Variants in PSMD14 observed in about 807,000 individuals in gnomAD.
The protein encoded by PSMD14 is ubiquitin C-terminal hydrolase PSMD14.
In PSMD14, 7 loss-of-function variants were observed where a neutral mutation model predicts 41.2. The ratio of observed to expected loss-of-function variants is 0.17; its 90% CI spans 0.10 to 0.32. The LOEUF (loss-of-function observed/expected upper bound fraction) is 0.32, where lower values mean the gene tolerates loss of function less well. Among genes scored for constraint, PSMD14 ranks in the 10% least tolerant of loss-of-function variants. The probability of loss-of-function intolerance (pLI) is 1.00; values close to 1 mark genes in which losing one functional copy is unlikely to be tolerated. For synonymous variants in PSMD14, 114 were observed against 122.3 expected (o/e 0.93, Z 0.45); for missense variants, 139 against 375.6 (o/e 0.37, Z 5.21).
At chr2:161,320,030 C>T (rs569513574) in intron 3 of PSMD14, among the ~76,000 whole-genome samples, 3 of 152,136 alleles carry the variant, frequency 2.0e-5, no homozygotes, top group Non-Finnish European at 2.9e-5. Flanking sequence ...GAGGCCTAAG[C>T]CTCTTTGAAC....
chr2:161,357,443 T>C (rs1236518110), intron 3 of PSMD14, among the ~76,000 whole-genome samples: 2 of 152,186 alleles, frequency 1.3e-5, no homozygotes, highest in Non-Finnish European at 2.9e-5. Context: ...TTTAAAGGTA[T>C]GGATTTTCCC....
At chr2:161,318,743 T>G in intron 2 of PSMD14, 79 bp from the exon 3 acceptor site, 1 of 1,098,576 alleles carries the variant, frequency 9.1e-7, no homozygotes, top group Non-Finnish European at 1.4e-6. Flanking sequence ...ACTGAGTGAC[T>G]GAAGGTGAAT....
intron 1 of PSMD14, among the ~76,000 whole-genome samples, chr2:161,309,274 G>C (rs1325071033): frequency 6.6e-6 from 1 of 152,162 alleles, no homozygotes; most frequent in African/African-American, 2.4e-5. Flanking sequence ...TGGGGATGTA[G>C]CTCTGTGTCT....
intron 10 of PSMD14, among the ~76,000 whole-genome samples, chr2:161,404,523 C>T (rs923772574): frequency 2.6e-5 from 4 of 152,152 alleles, no homozygotes; most frequent in Non-Finnish European, 5.9e-5. Flanking sequence ...CCCTTTGCCC[C>T]TCTCCCTTCC....
At chr2:161,342,272 T>C (rs1267183018) in intron 3 of PSMD14, among the ~76,000 whole-genome samples, 1 of 152,216 alleles carries the variant, frequency 6.6e-6, no homozygotes, top group Non-Finnish European at 1.5e-5. Flanking sequence ...TAGCTGTACA[T>C]TTGTTATAGA....
intron 3 of PSMD14, among the ~76,000 whole-genome samples, chr2:161,324,408 G>T (rs912048877): frequency 6.6e-6 from 1 of 152,082 alleles, no homozygotes; most frequent in African/African-American, 2.4e-5. Context: ...GACCAACTTG[G>T]GAAAAATGGG....
chr2:161,323,440 A>G (rs1310521930), intron 3 of PSMD14, among the ~76,000 whole-genome samples: 1 of 152,256 alleles, frequency 6.6e-6, no homozygotes, highest in Non-Finnish European at 1.5e-5. Context: ...GAGGGGGCAG[A>G]TGACATAAGG....
At chr2:161,320,513 C>T (rs1459725300) in intron 3 of PSMD14, among the ~76,000 whole-genome samples, 1 of 152,106 alleles carries the variant, frequency 6.6e-6, no homozygotes, top group African/African-American at 2.4e-5. Flanking sequence ...AGAATCATTT[C>T]ATCTCAATTA....
chr2:161,309,234 C>T (rs1689060025), intron 1 of PSMD14, among the ~76,000 whole-genome samples: 2 of 152,062 alleles, frequency 1.3e-5, no homozygotes, highest in South Asian at 4.1e-4. Context: ...AATCTGCTAC[C>T]GTATGTTACA....
chr2:161,356,997 G>C (rs1049923995), intron 3 of PSMD14, among the ~76,000 whole-genome samples: 1 of 149,858 alleles, frequency 6.7e-6, no homozygotes, highest in African/African-American at 2.5e-5. Flanking sequence ...ATAACTAATA[G>C]TGTTAACAAA....
chr2:161,375,028 C>T (rs1286694597), intron 7 of PSMD14, among the ~76,000 whole-genome samples: 1 of 151,904 alleles, frequency 6.6e-6, no homozygotes, highest in African/African-American at 2.4e-5. Flanking sequence ...ATGTGTCTTC[C>T]ACTGGTTAGG....
chr2:161,330,261 A>G (rs1051685856), intron 3 of PSMD14, among the ~76,000 whole-genome samples: 1 of 152,234 alleles, frequency 6.6e-6, no homozygotes, highest in Non-Finnish European at 1.5e-5. Flanking sequence ...CAAGGATATG[A>G]TGGATTTATG....
chr2:161,309,647 A>G (rs1402350921), intron 1 of PSMD14, among the ~76,000 whole-genome samples: 3 of 152,216 alleles, frequency 2.0e-5, no homozygotes, highest in Non-Finnish European at 4.4e-5. Flanking sequence ...GTTAAGATAT[A>G]TAGTGGTTCT....
chr2:161,361,060 A>G (rs1683282723), intron 3 of PSMD14, among the ~76,000 whole-genome samples: 1 of 152,166 alleles, frequency 6.6e-6, no homozygotes, highest in Admixed American at 6.5e-5. Flanking sequence ...TTGAGTTTCT[A>G]CCTAAAATGT....
At chr2:161,410,981 T>C (rs1323551707) in intron 11 of PSMD14, among the ~76,000 whole-genome samples, 1 of 152,108 alleles carries the variant, frequency 6.6e-6, no homozygotes, top group Non-Finnish European at 1.5e-5. Flanking sequence ...GGTATACATA[T>C]ATAAATGAAA....
At chr2:161,338,925 A>T (rs2105240427) in intron 3 of PSMD14, among the ~76,000 whole-genome samples, 1 of 152,284 alleles carries the variant, frequency 6.6e-6, no homozygotes, top group South Asian at 2.1e-4. Flanking sequence ...CTTTTTGTCT[A>T]GCTTTCATTA....
At chr2:161,325,501 A>T (rs1224208535) in intron 3 of PSMD14, among the ~76,000 whole-genome samples, 1 of 152,196 alleles carries the variant, frequency 6.6e-6, no homozygotes, top group African/African-American at 2.4e-5. Context: ...GTTTAATTTA[A>T]CATAGCAATG....
At chr2:161,371,384 TA>T in intron 7 of PSMD14, 62 bp downstream of exon 7, 1 of 1,485,518 alleles carries the variant, frequency 6.7e-7, no homozygotes, top group Non-Finnish European at 9.1e-7. Context: ...ATACATTAAA[TA>T]AAAATCAATT....
In PSMD14 at chr2:161,358,018, A is replaced by G. The variant is rs1205612457; in HGVS notation, c.49-9460A>G. On this transcript the variant is annotated intron_variant, in intron 3 of 11. Transcript: ENST00000409682. ...AGAACTATGCTCTTGATTAAGCACCAGAAAAAAGACTTTTTTTCCATTACT... is the reference window on the plus strand; with the variant it reads ...AGAACTATGCTCTTGATTAAGCACCGGAAAAAAGACTTTTTTTCCATTACT... Among the ~76,000 whole-genome samples, 3 of 152,260 alleles carry G rather than the reference A, an allele frequency of 2.0e-5. No individual in the cohort carries two copies. The East Asian group carries it at 5.8e-4, about 29-fold the overall frequency.
Sources: allele counts gnomAD v4.1 joint callset (sites outside exome capture counted in the v4.1 genomes callset), GRCh38; gene constraint gnomAD v4.1.1; transcripts MANE v1.5; gene names NCBI Gene and HGNC (gene_info 2026-07-23, HGNC 2026-07-21).